The following AMBRA1 variants were observed in gnomAD, a reference collection of about 807,000 sequenced individuals.
AMBRA1 encodes the protein autophagy and beclin 1 regulator 1, also known as activating molecule in BECN1-regulated autophagy protein 1.
In AMBRA1, 47 loss-of-function variants were observed where a neutral mutation model predicts 125.4. The ratio of observed to expected loss-of-function variants is 0.37; its 90% CI spans 0.30 to 0.48. The LOEUF (loss-of-function observed/expected upper bound fraction) is 0.48. Among genes scored for constraint, AMBRA1 ranks in the 20% least tolerant of loss-of-function variants. The probability of loss-of-function intolerance (pLI) is 0.99; values close to 1 mark genes in which losing one functional copy is unlikely to be tolerated. For missense variants in AMBRA1, 1,331 were observed against 1,693.4 expected, an observed-to-expected ratio of 0.79 and a Z score of 3.76; for synonymous variants, 626 against 655.5, an observed-to-expected ratio of 0.95 and a Z score of 0.69.
At chr11:46,448,587 C>G (rs544571148) in intron 11 of AMBRA1, among the ~76,000 whole-genome samples, 35 of 152,034 alleles carry the variant, frequency 2.3e-4, no homozygotes, top group African/African-American at 8.2e-4. Flanking sequence ...CCAAAGTAAG[C>G]AGAAGAAAAA....
At chr11:46,544,909 T>C (rs552835860) in intron 5 of AMBRA1, among the ~76,000 whole-genome samples, 19 of 151,888 alleles carry the variant, frequency 1.3e-4, no homozygotes, top group African/African-American at 4.6e-4. Flanking sequence ...TGAAGGCCAG[T>C]AGTTCGAGAC....
chr11:46,519,132 T>C (rs983682458), intron 7 of AMBRA1, among the ~76,000 whole-genome samples: 2 of 152,238 alleles, frequency 1.3e-5, no homozygotes, highest in East Asian at 1.9e-4. Context: ...TAAGCAATTC[T>C]CTTGCCTCAG....
chr11:46,586,639 T>C (rs1321670626), intron 1 of AMBRA1, among the ~76,000 whole-genome samples: 1 of 152,226 alleles, frequency 6.6e-6, no homozygotes, highest in East Asian at 1.9e-4. Context: ...TATAATAACA[T>C]TGTTACTAAC....
intron 7 of AMBRA1, among the ~76,000 whole-genome samples, chr11:46,516,423 CTTTTTTTTTTTTTTT>C (rs1162985350): frequency 1.4e-5 from 1 of 73,184 alleles, no homozygotes; most frequent in African/African-American, 5.0e-5. Flanking sequence ...AAAGATCTTT[CTTTTTTTTTTTTTTT>C]TTTTTTTTTT....
In AMBRA1 at chr11:46,508,267, A is replaced by G; in HGVS notation, c.2263T>C (p.Ser755Pro). The G allele has an allele frequency of 6.2e-7, 1 of 1,614,226 alleles. No homozygotes were observed. The highest frequency in any genetic ancestry group is 8.5e-7 in the Non-Finnish European group (1 of 1,180,028). Residue 755 changes from serine (S) to proline (P), a missense_variant, in exon 9 of 18, where the codon TCT (serine) becomes CCT (proline). Ser to Pro is a moderately conservative substitution (Grantham distance 74, BLOSUM62 -1). This residue lies in a region of AMBRA1 where 689 missense variants were observed against 776.5 expected (regional missense o/e 0.89). Coordinates refer to ENST00000683756, the MANE Select transcript of AMBRA1 (RefSeq NM_001387011.1). ...TCTGAGGAAGAGGAGGAGGTGGAAG[A>G]ACGGAGACGGTTCTGTTGGTAGCGC... The part of the protein sequence containing the change: ...SMRYQQNRLR[S>P]STSSSSSDNQ...
chr11:46,508,354 A>G lies in AMBRA1; in HGVS notation c.2176T>C (p.Tyr726His). 4 of 1,614,172 alleles carry G rather than the reference A, an allele frequency of 2.5e-6. No individual in the cohort carries two copies. Among genetic ancestry groups the G allele is most frequent in the South Asian group, 1.1e-5 (1 of 91,068 alleles). Residue 726 changes from tyrosine (Y) to histidine (H), a missense_variant, in exon 9 of 18, where the codon TAC (tyrosine) becomes CAC (histidine). Tyr to His is a moderately conservative substitution (Grantham distance 83). Coordinates refer to ENST00000683756, the MANE Select transcript of AMBRA1 (RefSeq NM_001387011.1). ...TACTGGATCATCCTCTGGGCGTAGT[A>G]TGCAGCAGGAGATAATCTGAGAGAG... ...PDPARLSPAA[Y>H]YAQRMIQYLS... is the part of the protein sequence containing the mutation.
chr11:46,417,530 C>T (rs113438042), intron 15 of AMBRA1, among the ~76,000 whole-genome samples: 2 of 152,246 alleles, frequency 1.3e-5, no homozygotes, highest in African/African-American at 4.8e-5. Context: ...TTAAAGTCTA[C>T]GGTATTTACT....
chr11:46,585,683 A>AT (rs2044350519), intron 1 of AMBRA1, among the ~76,000 whole-genome samples: 1 of 33,728 alleles, frequency 3.0e-5, no homozygotes, highest in Non-Finnish European at 6.8e-5. Context: ...AAAAAAAAAA[A>AT]AAAAAAAAAA....
chr11:46,545,681 A>G lies in AMBRA1; in HGVS notation c.474T>C (p.Asn158=), dbSNP rs144121544. 2.4e-4 allele frequency: 383 copies of G among 1,571,984 alleles called. No individual in the cohort carries two copies. Among genetic ancestry groups the G allele is most frequent in the Non-Finnish European group, 3.2e-4 (365 of 1,141,858 alleles). ...GACTCCAGTCCCAGAAGTGGATCTC[A>G]TTGGCAGTGGCAATCAGCAGGAGCT... The part of the protein sequence containing the change: ...TAQLLLIATA[N]EIHFWDWSRR... The change falls in exon 5 of 18, where the codon AAT becomes AAC. Residue 158 remains asparagine, a synonymous_variant. Transcript: ENST00000683756.
intron 16 of AMBRA1, 89 bp from the exon 17 acceptor site, chr11:46,408,795 C>T: frequency 7.9e-7 from 1 of 1,268,394 alleles, no homozygotes. Flanking sequence ...ATCCTCAGGG[C>T]AGTGTGGGCC....
intron 11 of AMBRA1, among the ~76,000 whole-genome samples, chr11:46,481,794 T>C (rs1950082267): frequency 6.6e-6 from 1 of 152,238 alleles, no homozygotes; most frequent in Non-Finnish European, 1.5e-5. Context: ...ACTCCCACTC[T>C]GTCAAGTACT....
intron 11 of AMBRA1, among the ~76,000 whole-genome samples, chr11:46,457,776 T>C (rs922335313): frequency 2.0e-5 from 3 of 151,892 alleles, no homozygotes; most frequent in Non-Finnish European, 4.4e-5. Context: ...GTGGTGCATG[T>C]CTATAATCCC....
intron 5 of AMBRA1, among the ~76,000 whole-genome samples, chr11:46,544,588 T>G (rs1456096669): frequency 6.6e-6 from 1 of 152,240 alleles, no homozygotes; most frequent in African/African-American, 2.4e-5. Context: ...ATGTCAATTA[T>G]GTGCTTACAT....
At position 46,585,644 on chromosome 11, in the gene AMBRA1, T is replaced by C. The variant is rs568391313; in HGVS notation, c.-121+8184A>G. Among the ~76,000 whole-genome samples, 18 of 71,510 alleles carry C rather than the reference T, an allele frequency of 2.5e-4. No individual in the cohort carries two copies. The East Asian group carries it at 5.1e-3, about 20-fold the overall frequency. The allele number at this position is 71,510 out of a possible 152,430, so 46.9% of individuals were successfully genotyped here. On this transcript the variant is annotated intron_variant, in intron 1 of 17. Coordinates refer to ENST00000683756, the MANE Select transcript of AMBRA1 (RefSeq NM_001387011.1). ...TCACGCCACTGCACTCCAGCCTGGG[T>C]GACAGAGCAAGACTCCATCTCAAAA...
At chr11:46,591,481 A>G (rs1160659926) in intron 1 of AMBRA1, 2 of 152,162 alleles carry the variant, frequency 1.3e-5, no homozygotes, top group African/African-American at 4.8e-5. Context: ...CAAAACTCAC[A>G]TGAGAATACT....
At chr11:46,500,921 T>G (rs1212733468) in intron 9 of AMBRA1, among the ~76,000 whole-genome samples, 1 of 152,228 alleles carries the variant, frequency 6.6e-6, no homozygotes, top group African/African-American at 2.4e-5. Context: ...ATGTAAAACT[T>G]GATGCTATTC....
Position 46,547,221 on chromosome 11 carries a change from G to C in AMBRA1, c.270C>G (p.Ser90=). 9.3e-6 allele frequency: 15 copies of C among 1,614,034 alleles called. No individual in the cohort carries two copies. The highest frequency in any genetic ancestry group is 1.2e-5 in the Non-Finnish European group (14 of 1,179,982). Residue 90 remains serine, a synonymous_variant, in exon 4 of 18, where the codon TCC becomes TCG. Transcript: ENST00000683756. The part of the protein sequence containing the change: ...TEVKTGKCVH[S]LIGHRRTPWC... ...ATGGAGTACGGCGGTGTCCAATCAG[G>C]GAATGAACACACTTGCCAGTCTTCA...
intron 11 of AMBRA1, among the ~76,000 whole-genome samples, chr11:46,454,931 G>A (rs1948786736): frequency 6.7e-6 from 1 of 148,570 alleles, no homozygotes; most frequent in Admixed American, 6.8e-5. Flanking sequence ...CCAGGTTGGA[G>A]TGCAGTGGCA....
At chr11:46,545,112 G>T (rs1156861337) in intron 5 of AMBRA1, among the ~76,000 whole-genome samples, 1 of 126,784 alleles carries the variant, frequency 7.9e-6, no homozygotes, top group Non-Finnish European at 1.6e-5. Context: ...CTGTACTCCA[G>T]CCTGGGTAAC....
Sources: allele counts gnomAD v4.1 joint callset (sites outside exome capture counted in the v4.1 genomes callset), GRCh38; gene constraint gnomAD v4.1.1; regional missense constraint gnomAD v4.1.1; transcripts MANE v1.5; gene names NCBI Gene and HGNC (gene_info 2026-07-23, HGNC 2026-07-21).